The following MAP4K4 variants were observed in gnomAD, a reference collection of about 807,000 sequenced individuals.
MAP4K4 encodes mitogen-activated protein kinase kinase kinase kinase 4.
MAP4K4 carries 38 observed loss-of-function variants against 189.6 expected under a neutral mutation model. The observed-to-expected ratio is 0.20, with a 90% confidence interval of 0.15 to 0.26. The LOEUF (loss-of-function observed/expected upper bound fraction) is 0.26. MAP4K4 is among the 10% of genes least tolerant of loss of function. The probability of loss-of-function intolerance (pLI) is 1.00; values close to 1 mark genes in which losing one functional copy is unlikely to be tolerated. For missense variants in MAP4K4, 1,054 were observed against 1,726.9 expected (o/e 0.61, Z 6.91); for synonymous variants, 610 against 624.3 (o/e 0.98, Z 0.34).
intron 2 of MAP4K4, among the ~76,000 whole-genome samples, chr2:101,720,365 A>G (rs142464053): frequency 1.2e-3 from 188 of 152,062 alleles, no homozygotes; most frequent in African/African-American, 4.4e-3. Flanking sequence ...TAGTAGAGAC[A>G]GGGTTTCACC....
intron 27 of MAP4K4, among the ~76,000 whole-genome samples, chr2:101,878,068 A>G (rs62153663): frequency 0.25 from 37,984 of 152,104 alleles, 5,596 homozygotes; most frequent in Non-Finnish European, 0.31. Context: ...TCTTTTTAAG[A>G]AGAGCATTTT....
chr2:101,827,200 G>T (rs975018130), intron 5 of MAP4K4, among the ~76,000 whole-genome samples: 2 of 152,154 alleles, frequency 1.3e-5, no homozygotes, highest in Non-Finnish European at 2.9e-5. Flanking sequence ...AGTGTGGTAC[G>T]TGAATGAACA....
exon 7 of MAP4K4, chr2:101,831,791 C>T (rs781234646): frequency 1.2e-6 from 2 of 1,611,458 alleles, no homozygotes; most frequent in African/African-American, 1.3e-5. Context: ...GCACTCCCTA[C>T]TGGATGGCTC....
chr2:101,868,093 G>A (rs375436464), intron 21 of MAP4K4, 56 bp downstream of exon 21: 6 of 1,596,924 alleles, frequency 3.8e-6, no homozygotes, highest in Middle Eastern at 1.7e-4. Flanking sequence ...CCGCCTGTCA[G>A]CTCAGCTTGT....
Position 101,845,401 on chromosome 2 carries a change from C to A in MAP4K4, c.1233+1090C>A, listed in dbSNP as rs146613688. On this transcript the variant is annotated intron_variant, in intron 12 of 32. Coordinates refer to ENST00000324219, the Ensembl canonical transcript of MAP4K4. ...ATTATTTCCCTATACAGTCATGGGT[C>A]GCTTAATGACGGGGATACATTCTGA... 2.9e-3 allele frequency among the ~76,000 whole-genome samples: 441 copies of A among 152,178 alleles called. 2 individuals are homozygous for A. The highest frequency in any genetic ancestry group is 0.01 in the African/African-American group (425 of 41,496).
chr2:101,800,551 A>G (rs1323783002), intron 3 of MAP4K4, among the ~76,000 whole-genome samples: 1 of 152,240 alleles, frequency 6.6e-6, no homozygotes, highest in Non-Finnish European at 1.5e-5. Context: ...TTTGTTGGCT[A>G]GTTTTAAATA....
exon 33 of MAP4K4, chr2:101,891,670 G>C (rs1399364653): frequency 6.1e-6 from 1 of 164,694 alleles, no homozygotes; most frequent in Non-Finnish European, 1.3e-5. Flanking sequence ...GTGAGAAGTG[G>C]TGGTAAAAGG....
intron 2 of MAP4K4, among the ~76,000 whole-genome samples, chr2:101,725,280 AG>A (rs1480313015): frequency 1.3e-5 from 2 of 152,110 alleles, no homozygotes; most frequent in African/African-American, 4.8e-5. Context: ...AAATAGATGT[AG>A]CCATGCTTTC....
intron 25 of MAP4K4, 58 bp downstream of exon 25, chr2:101,873,822 T>C: frequency 1.6e-6 from 2 of 1,276,658 alleles, no homozygotes; most frequent in Admixed American, 1.9e-5. Flanking sequence ...TTTGAGTTGC[T>C]CTTTTGGGTG....
intron 3 of MAP4K4, among the ~76,000 whole-genome samples, chr2:101,821,203 G>A (rs746072902): frequency 7.9e-5 from 12 of 152,114 alleles, no homozygotes; most frequent in African/African-American, 1.2e-4. Flanking sequence ...GAGAATTATT[G>A]TATCAACTGT....
chr2:101,720,111 G>T (rs1022530397), intron 2 of MAP4K4, among the ~76,000 whole-genome samples: 1 of 152,000 alleles, frequency 6.6e-6, no homozygotes, highest in Non-Finnish European at 1.5e-5. Flanking sequence ...AAAATGTCTG[G>T]ACAGAGATTT....
At chr2:101,704,477 G>T (rs1408157514) in intron 2 of MAP4K4, among the ~76,000 whole-genome samples, 1 of 145,890 alleles carries the variant, frequency 6.9e-6, no homozygotes, top group Non-Finnish European at 1.5e-5. Context: ...TTGCCTAGCT[G>T]CAAACTCAAC....
intron 18 of MAP4K4, 101 bp from the exon 19 acceptor site, chr2:101,866,327 A>T: frequency 9.0e-7 from 1 of 1,106,388 alleles, no homozygotes; most frequent in Non-Finnish European, 1.3e-6. Context: ...GTCTCCCTAC[A>T]CTTTAAAGAC....
intron 2 of MAP4K4, among the ~76,000 whole-genome samples, chr2:101,754,939 A>T (rs1241333244): frequency 6.6e-6 from 1 of 152,230 alleles, no homozygotes; most frequent in Non-Finnish European, 1.5e-5. Context: ...AGTGAGTTGT[A>T]TGAGGTCTCA....
intron 2 of MAP4K4, among the ~76,000 whole-genome samples, chr2:101,745,972 T>TTGTGTGTGTGTGTGTG (rs5832985): frequency 4.1e-5 from 6 of 146,496 alleles, no homozygotes; most frequent in African/African-American, 1.3e-4. Flanking sequence ...CCTGTTTCCT[T>TTGTGTGTGTGTGTGTG]TGTGTGTGTG....
intron 2 of MAP4K4, among the ~76,000 whole-genome samples, chr2:101,734,782 G>A (rs946513505): frequency 6.6e-6 from 1 of 152,122 alleles, no homozygotes; most frequent in Non-Finnish European, 1.5e-5. Context: ...TGTGCTCTTG[G>A]CCTGCTGTTC....
chr2:101,867,163 C>T (rs1263720056), intron 19 of MAP4K4, 49 bp from the exon 20 acceptor site: 2 of 1,201,184 alleles, frequency 1.7e-6, no homozygotes, highest in Admixed American at 1.9e-5. Flanking sequence ...TAATACACAT[C>T]CATATGTTGA....
chr2:101,842,413 A>G (rs1263083671), intron 10 of MAP4K4, among the ~76,000 whole-genome samples, 196 bp from the exon 11 acceptor site: 1 of 152,178 alleles, frequency 6.6e-6, no homozygotes, highest in Admixed American at 6.5e-5. Flanking sequence ...GTGGGGAGTA[A>G]GGCTGACCAG....
At chr2:101,811,978 T>G (rs899519773) in intron 3 of MAP4K4, among the ~76,000 whole-genome samples, 12 of 152,156 alleles carry the variant, frequency 7.9e-5, no homozygotes, top group African/African-American at 2.9e-4. Context: ...TTTTACTGAT[T>G]TAAGTTTTTG....
Sources: gnomAD v4.1 joint callset for allele counts (sites outside exome capture counted in the v4.1 genomes callset) on GRCh38, gnomAD v4.1.1 for gene constraint, MANE v1.5 for transcripts, NCBI Gene and HGNC (gene_info 2026-07-23, HGNC 2026-07-21) for gene names.